Variants in ZBTB20 observed in about 807,000 individuals in gnomAD.
The protein encoded by ZBTB20 is zinc finger and BTB domain-containing protein 20.
ZBTB20 carries 9 observed loss-of-function variants against 56.9 expected under a neutral mutation model. That is an observed-to-expected ratio of 0.16 (90% CI 0.10 to 0.28). The LOEUF (loss-of-function observed/expected upper bound fraction) is 0.28, where lower values mean the gene tolerates loss of function less well. Ranked by LOEUF, ZBTB20 falls within the 10% of genes least tolerant of loss-of-function variation. The pLI, the probability that ZBTB20 is intolerant of heterozygous loss-of-function variation, is 1.00. For synonymous variants in ZBTB20, 417 were observed against 420.7 expected (o/e 0.99, Z 0.11); for missense variants, 655 against 1,003.0 (o/e 0.65, Z 4.69).
intron 4 of ZBTB20, among the ~76,000 whole-genome samples, chr3:114,825,113 A>G (rs1393418502): frequency 6.6e-6 from 1 of 151,912 alleles, no homozygotes; most frequent in East Asian, 1.9e-4. Flanking sequence ...TCAGAGTGCC[A>G]AAAGTCAGCA....
chr3:114,856,403 G>C lies in ZBTB20; in HGVS notation c.-417+43901C>G, dbSNP rs564167973. On this transcript the variant is annotated intron_variant, in intron 4 of 11. Coordinates refer to ENST00000675478, the MANE Select transcript of ZBTB20 (RefSeq NM_001348800.3). ...CCCTTCAGTAAAAGAAGCAGCTGATGCTAACAAGGATAAATAAGAGCAGAC... is the reference window on the plus strand; with the variant it reads ...CCCTTCAGTAAAAGAAGCAGCTGATCCTAACAAGGATAAATAAGAGCAGAC... Among the ~76,000 whole-genome samples the C allele has an allele frequency of 3.3e-5, 5 of 152,204 alleles. No homozygotes were observed. In the East Asian group the frequency reaches 9.6e-4, roughly 29 times the overall value.
intron 2 of ZBTB20, among the ~76,000 whole-genome samples, chr3:114,993,898 T>C (rs1334972116): frequency 6.6e-6 from 1 of 151,714 alleles, no homozygotes; most frequent in Non-Finnish European, 1.5e-5. Context: ...GAAAGAATAA[T>C]GATTAGAACA....
rs1450962305 is a variant in ZBTB20 at position 114,319,951 on chromosome 3, G to C, written c.*19054C>G. The C allele has an allele frequency of 1.3e-5, 2 of 152,086 alleles. No individual in the cohort carries two copies. Among genetic ancestry groups the C allele is most frequent in the Non-Finnish European group, 2.9e-5 (2 of 68,020 alleles). The allele number at this position is 152,086 out of a possible 1,614,324, so 9.4% of individuals were successfully genotyped here. On this transcript the variant is annotated 3_prime_UTR_variant, in exon 12 of 12. Transcript: ENST00000675478. ...TAAAAGGTGATGTGGAAATCCAGTG[G>C]TATGAGGAAGGCTGGGGTTATTTCC...
chr3:114,697,173 C>CT (rs1179846249), intron 5 of ZBTB20, among the ~76,000 whole-genome samples: 2 of 151,090 alleles, frequency 1.3e-5, no homozygotes, highest in Non-Finnish European at 3.0e-5. Flanking sequence ...ATATAACTGG[C>CT]TTTTTTACAT....
chr3:114,431,075 C>T (rs928418660), intron 7 of ZBTB20, among the ~76,000 whole-genome samples: 1 of 152,126 alleles, frequency 6.6e-6, no homozygotes, highest in East Asian at 1.9e-4. Context: ...CAAACATACA[C>T]CCCAGTTCAC....
chr3:114,942,085 C>A (rs2076739292), intron 3 of ZBTB20, among the ~76,000 whole-genome samples: 1 of 145,556 alleles, frequency 6.9e-6, no homozygotes, highest in Non-Finnish European at 1.5e-5. Flanking sequence ...ATTCCTTTAC[C>A]CCTTGTGAAA....
intron 4 of ZBTB20, among the ~76,000 whole-genome samples, chr3:114,866,686 T>G (rs1471550951): frequency 6.6e-6 from 1 of 152,196 alleles, no homozygotes; most frequent in Non-Finnish European, 1.5e-5. Context: ...GAATTTCTCC[T>G]GCTTGACAGC....
intron 5 of ZBTB20, among the ~76,000 whole-genome samples, chr3:114,795,229 T>C (rs2071261134): frequency 6.6e-6 from 1 of 152,108 alleles, no homozygotes; most frequent in Non-Finnish European, 1.5e-5. Context: ...TTAAAATAAA[T>C]GTATGGATTT....
intron 6 of ZBTB20, among the ~76,000 whole-genome samples, chr3:114,514,307 G>C (rs1006757383): frequency 3.3e-5 from 5 of 152,134 alleles, no homozygotes; most frequent in Admixed American, 2.6e-4. Flanking sequence ...TTCTCATAGG[G>C]TTTAGGAACT....
chr3:114,475,934 T>C (rs2040704078), intron 7 of ZBTB20, among the ~76,000 whole-genome samples: 1 of 152,128 alleles, frequency 6.6e-6, no homozygotes, highest in Non-Finnish European at 1.5e-5. Context: ...GCTAGGTAAA[T>C]AAGCTGCCTT....
chr3:114,401,083 G>GAC (rs201829025), intron 7 of ZBTB20, among the ~76,000 whole-genome samples: 2,862 of 133,082 alleles, frequency 0.022, 44 homozygotes, highest in South Asian at 0.037. Flanking sequence ...CTACCTCCCA[G>GAC]ACACACACAC....
At chr3:114,941,141 A>G (rs1225228519) in intron 3 of ZBTB20, among the ~76,000 whole-genome samples, 1 of 146,650 alleles carries the variant, frequency 6.8e-6, no homozygotes, top group Admixed American at 6.6e-5. Context: ...TGTTTCATGC[A>G]TCTGTGCAGG....
At chr3:114,968,914 T>A (rs1479171825) in intron 3 of ZBTB20, among the ~76,000 whole-genome samples, 1 of 152,138 alleles carries the variant, frequency 6.6e-6, no homozygotes, top group East Asian at 1.9e-4. Flanking sequence ...CCTTAAAACA[T>A]AATCTGAAAT....
At chr3:114,607,449 T>C (rs1283123513) in intron 6 of ZBTB20, among the ~76,000 whole-genome samples, 1 of 151,832 alleles carries the variant, frequency 6.6e-6, no homozygotes, top group South Asian at 2.1e-4. Context: ...ATTACAGGCA[T>C]GCACCCCCAA....
At chr3:114,768,944 T>A (rs1404311887) in intron 5 of ZBTB20, among the ~76,000 whole-genome samples, 1 of 152,204 alleles carries the variant, frequency 6.6e-6, no homozygotes, top group East Asian at 1.9e-4. Context: ...TAGGCACATG[T>A]GTTGTCTTAC....
chr3:114,656,642 T>G (rs553489279), intron 6 of ZBTB20, among the ~76,000 whole-genome samples: 3 of 152,298 alleles, frequency 2.0e-5, no homozygotes, highest in African/African-American at 7.2e-5. Context: ...CTTCAATGAC[T>G]CTTCAAAAAA....
intron 4 of ZBTB20, among the ~76,000 whole-genome samples, chr3:114,869,337 T>C (rs1020274699): frequency 2.0e-5 from 3 of 152,168 alleles, no homozygotes; most frequent in African/African-American, 7.2e-5. Flanking sequence ...AAAATAGTCT[T>C]TTATTAATTC....
intron 1 of ZBTB20, among the ~76,000 whole-genome samples, chr3:115,128,436 G>C (rs1019949023): frequency 8.5e-5 from 13 of 152,096 alleles, no homozygotes; most frequent in Admixed American, 3.9e-4. Flanking sequence ...GGCTGAAGCA[G>C]GTGGATCTTC....
At chr3:114,818,431 C>A (rs375023074) in intron 4 of ZBTB20, among the ~76,000 whole-genome samples, 34 of 152,036 alleles carry the variant, frequency 2.2e-4, no homozygotes, top group African/African-American at 8.0e-4. Flanking sequence ...TTCAAATTAT[C>A]CTATAATGTT....
Sources: allele counts gnomAD v4.1 joint callset (sites outside exome capture counted in the v4.1 genomes callset), GRCh38; gene constraint gnomAD v4.1.1; transcripts MANE v1.5; gene names NCBI Gene and HGNC (gene_info 2026-07-23, HGNC 2026-07-21).